REDIC1: variants seen among roughly 807,000 people sequenced by gnomAD.
REDIC1 encodes the protein regulator of DNA class I crossover intermediates 1.
At chr12:39,894,581 C>T in the REDIC1 span, among the ~76,000 whole-genome samples, 1 of 152,144 alleles carries the variant, frequency 6.6e-6, no homozygotes, top group African/African-American at 2.4e-5. Flanking sequence ...AAATACAAGA[C>T]AGACTAAAAT....
At chr12:39,821,262 T>C in the REDIC1 span, among the ~76,000 whole-genome samples, 1 of 152,070 alleles carries the variant, frequency 6.6e-6, no homozygotes, top group East Asian at 1.9e-4. Context: ...ATACAAAAAT[T>C]AGCCGGGCGT....
the REDIC1 span, among the ~76,000 whole-genome samples, chr12:39,826,427 C>A: frequency 6.6e-6 from 1 of 150,424 alleles, no homozygotes; most frequent in African/African-American, 2.4e-5. Context: ...ATTGTAAAAA[C>A]AGTTATATTT....
chr12:39,772,000 C>G, the REDIC1 span, among the ~76,000 whole-genome samples: 5 of 152,172 alleles, frequency 3.3e-5, no homozygotes, highest in African/African-American at 1.2e-4. Context: ...ATTCCTACCT[C>G]ATCACCCAAG....
chr12:39,774,540 C>T, the REDIC1 span, among the ~76,000 whole-genome samples: 4 of 150,210 alleles, frequency 2.7e-5, no homozygotes, highest in Admixed American at 6.6e-5. Context: ...AGTGTGGAGA[C>T]CATGTTGAAA....
chr12:39,665,505 G>A, the REDIC1 span, among the ~76,000 whole-genome samples: 56 of 145,538 alleles, frequency 3.8e-4, no homozygotes, highest in African/African-American at 1.2e-3. Context: ...GTCAGGTAGC[G>A]TGATGCCTCC....
chr12:39,873,887 C>T, the REDIC1 span, among the ~76,000 whole-genome samples: 4 of 152,092 alleles, frequency 2.6e-5, no homozygotes, highest in Non-Finnish European at 4.4e-5. Flanking sequence ...ATAGCACCTC[C>T]GTGTCTTCTG....
the REDIC1 span, among the ~76,000 whole-genome samples, chr12:39,717,875 C>A: frequency 6.6e-6 from 1 of 151,998 alleles, no homozygotes; most frequent in Admixed American, 6.6e-5. Context: ...AAGTACTCAT[C>A]TCCATCAAGT....
the REDIC1 span, among the ~76,000 whole-genome samples, chr12:39,742,873 A>G: frequency 1.3e-5 from 2 of 152,186 alleles, no homozygotes; most frequent in African/African-American, 4.8e-5. Flanking sequence ...ATTACTATTT[A>G]CCAGAGCAGA....
the REDIC1 span, chr12:39,764,315 C>T: frequency 5.5e-5 from 37 of 671,366 alleles, no homozygotes; most frequent in Non-Finnish European, 4.2e-5. Context: ...ATTTCCGATG[C>T]CTTTGGAGGA....
the REDIC1 span, chr12:39,683,034 A>G: frequency 6.2e-7 from 1 of 1,613,404 alleles, no homozygotes; most frequent in Non-Finnish European, 8.5e-7. Flanking sequence ...ATCCAGAAAA[A>G]TGTCAGCCAA....
At chr12:39,648,428 CA>C in the REDIC1 span, among the ~76,000 whole-genome samples, 15 of 151,722 alleles carry the variant, frequency 9.9e-5, no homozygotes, top group African/African-American at 3.4e-4. Flanking sequence ...TGAAAGATGA[CA>C]AGTTTTTATT....
the REDIC1 span, chr12:39,682,872 G>T: frequency 1.1e-5 from 18 of 1,612,592 alleles, no homozygotes; most frequent in Non-Finnish European, 1.5e-5. Context: ...AAAGGATAAA[G>T]AAAACATTTA....
chr12:39,669,097 G>T, the REDIC1 span, among the ~76,000 whole-genome samples: 1 of 152,160 alleles, frequency 6.6e-6, no homozygotes, highest in East Asian at 1.9e-4. Flanking sequence ...TGCTGGTGAG[G>T]AGCTGCGTTC....
chr12:39,711,787 GTGTGTGTACACATGCATGTGTA>G, the REDIC1 span, among the ~76,000 whole-genome samples: 1 of 116,790 alleles, frequency 8.6e-6, no homozygotes, highest in Non-Finnish European at 1.9e-5. Flanking sequence ...GCATGTGTAT[GTGTGTGTACACATGCATGTGTA>G]TGTGTGTACA....
At chr12:39,864,988 C>A in the REDIC1 span, 1 of 1,066,522 alleles carries the variant, frequency 9.4e-7, no homozygotes, top group Non-Finnish European at 1.3e-6. Context: ...AACAAAAACT[C>A]CTGAAAAAAA....
the REDIC1 span, among the ~76,000 whole-genome samples, chr12:39,678,815 A>G: frequency 1.3e-5 from 2 of 152,180 alleles, no homozygotes; most frequent in East Asian, 3.8e-4. Flanking sequence ...AATAAATATC[A>G]TACACTACAT....
At chr12:39,714,332 T>C in the REDIC1 span, among the ~76,000 whole-genome samples, 38 of 148,740 alleles carry the variant, frequency 2.6e-4, 12 homozygotes, top group African/African-American at 9.5e-4. Context: ...CATATATGTA[T>C]ATATGTCTGA....
the REDIC1 span, among the ~76,000 whole-genome samples, chr12:39,789,341 T>G: frequency 1.3e-5 from 2 of 152,182 alleles, no homozygotes; most frequent in Non-Finnish European, 2.9e-5. Flanking sequence ...AATTTCTTAA[T>G]ATTATGCTTT....
At chr12:39,877,369 C>T in the REDIC1 span, among the ~76,000 whole-genome samples, 1 of 152,144 alleles carries the variant, frequency 6.6e-6, no homozygotes, top group Non-Finnish European at 1.5e-5. Context: ...AAAAGACTTA[C>T]TCCTTATCAC....
Sources: allele counts gnomAD v4.1 joint callset (sites outside exome capture counted in the v4.1 genomes callset), GRCh38; gene constraint gnomAD v4.1.1; transcripts MANE v1.5; gene names NCBI Gene and HGNC (gene_info 2026-07-23, HGNC 2026-07-21).